Variants in ANKFN1 observed in about 807,000 individuals in gnomAD.
ANKFN1 encodes ankyrin repeat and fibronectin type-III domain-containing protein 1.
Under a neutral mutation model 108.7 loss-of-function variants are expected in ANKFN1, and 74 were observed. The observed-to-expected ratio is 0.68, with a 90% CI of 0.56 to 0.83. The LOEUF (loss-of-function observed/expected upper bound fraction) is 0.83, where lower values mean the gene tolerates loss of function less well. Ranked by LOEUF, ANKFN1 falls within the 40% of genes least tolerant of loss-of-function variation. ANKFN1 has a pLI of 0.00. For synonymous variants in ANKFN1, 547 were observed against 516.2 expected, an observed-to-expected ratio of 1.06 and a Z score of -0.81; for missense variants, 1,505 against 1,382.3, an observed-to-expected ratio of 1.09 and a Z score of -1.41.
intron 4 of ANKFN1, among the ~76,000 whole-genome samples, chr17:56,049,316 C>G (rs983138182): frequency 2.0e-5 from 3 of 152,158 alleles, no homozygotes; most frequent in Non-Finnish European, 4.4e-5. Flanking sequence ...ATTTGCCCAC[C>G]CTGACCTGCA....
chr17:56,182,204 A>G (rs1911749978), intron 1 of ANKFN1, among the ~76,000 whole-genome samples: 1 of 152,156 alleles, frequency 6.6e-6, no homozygotes, highest in Non-Finnish European at 1.5e-5. Flanking sequence ...AGGAAGGGCC[A>G]CTCATCTCTT....
intron 4 of ANKFN1, among the ~76,000 whole-genome samples, chr17:56,105,707 T>TTGTGTG (rs748425288): frequency 1.3e-5 from 1 of 76,324 alleles, no homozygotes; most frequent in African/African-American, 7.7e-5. Context: ...GGGGGTTTTT[T>TTGTGTG]TGTCTGTGTG....
chr17:56,334,259 T>A (rs571521290), intron 4 of ANKFN1, among the ~76,000 whole-genome samples: 8 of 151,814 alleles, frequency 5.3e-5, no homozygotes, highest in Non-Finnish European at 8.8e-5. Flanking sequence ...AAATGAAACA[T>A]GATCTATAGT....
chr17:56,335,700 C>G (rs914768084), intron 4 of ANKFN1, among the ~76,000 whole-genome samples: 2 of 152,090 alleles, frequency 1.3e-5, no homozygotes, highest in African/African-American at 2.4e-5. Context: ...AATTGAATAC[C>G]CTTTATTTCT....
intron 3 of ANKFN1, among the ~76,000 whole-genome samples, chr17:56,243,788 G>A (rs1040998175): frequency 1.3e-5 from 2 of 152,020 alleles, no homozygotes; most frequent in Admixed American, 1.3e-4. Flanking sequence ...CACACATACA[G>A]GCATGCATTT....
intron 6 of ANKFN1, among the ~76,000 whole-genome samples, chr17:56,355,783 T>C (rs1422638250): frequency 1.3e-5 from 2 of 152,128 alleles, no homozygotes; most frequent in East Asian, 3.9e-4. Context: ...TTTTAACAGC[T>C]TTATTGAGAT....
chr17:56,103,166 G>C (rs1191404200), intron 4 of ANKFN1, among the ~76,000 whole-genome samples: 2 of 152,174 alleles, frequency 1.3e-5, no homozygotes, highest in Non-Finnish European at 2.9e-5. Context: ...CACTGAAGGA[G>C]AGAGTGAGGC....
intron 8 of ANKFN1, among the ~76,000 whole-genome samples, chr17:56,403,139 T>C (rs990021801): frequency 8.5e-5 from 13 of 152,164 alleles, no homozygotes; most frequent in African/African-American, 2.9e-4. Flanking sequence ...TTGGAGAAAG[T>C]TCCATGTGCT....
At chr17:56,371,624 T>G (rs2144765092) in intron 6 of ANKFN1, among the ~76,000 whole-genome samples, 1 of 152,336 alleles carries the variant, frequency 6.6e-6, no homozygotes, top group South Asian at 2.1e-4. Flanking sequence ...TTTACTTGAC[T>G]GTTCTGTGAT....
At chr17:56,049,540 C>A (rs966246517) in intron 4 of ANKFN1, among the ~76,000 whole-genome samples, 2 of 151,928 alleles carry the variant, frequency 1.3e-5, no homozygotes, top group Admixed American at 6.5e-5. Context: ...ATCCCTCCCC[C>A]TTCCCCCGAC....
intron 1 of ANKFN1, chr17:56,174,105 G>C: frequency 1.1e-6 from 1 of 903,276 alleles, no homozygotes; most frequent in Non-Finnish European, 1.3e-6. Context: ...GAATCCGTGG[G>C]TCAGCTTGAC....
chr17:56,088,089 C>T (rs1339970138), intron 4 of ANKFN1, among the ~76,000 whole-genome samples: 1 of 151,188 alleles, frequency 6.6e-6, no homozygotes, highest in African/African-American at 2.4e-5. Context: ...TCTTACTTTC[C>T]CTCCAGGTAG....
At chr17:56,329,310 C>G (rs923324480) in intron 4 of ANKFN1, among the ~76,000 whole-genome samples, 1 of 152,108 alleles carries the variant, frequency 6.6e-6, no homozygotes, top group Non-Finnish European at 1.5e-5. Context: ...ACTGACTTAC[C>G]AGTGACACCA....
chr17:56,059,281 T>G (rs1471944042), intron 4 of ANKFN1, among the ~76,000 whole-genome samples: 1 of 152,218 alleles, frequency 6.6e-6, no homozygotes, highest in Non-Finnish European at 1.5e-5. Flanking sequence ...TTTGAGGGGT[T>G]GTTTTTTTCT....
intron 4 of ANKFN1, among the ~76,000 whole-genome samples, chr17:56,132,704 A>G (rs1409754881): frequency 6.6e-6 from 1 of 152,160 alleles, no homozygotes; most frequent in Non-Finnish European, 1.5e-5. Flanking sequence ...ATGCCTGTAG[A>G]TTCAGCATCT....
intron 4 of ANKFN1, among the ~76,000 whole-genome samples, chr17:56,327,294 T>C (rs2045545339): frequency 6.6e-6 from 1 of 152,142 alleles, no homozygotes; most frequent in East Asian, 1.9e-4. Flanking sequence ...TTTGTTTGCC[T>C]GGCTACCCCA....
At chr17:56,282,990 G>C (rs1459713568) in intron 3 of ANKFN1, among the ~76,000 whole-genome samples, 2 of 152,114 alleles carry the variant, frequency 1.3e-5, no homozygotes, top group Non-Finnish European at 2.9e-5. Context: ...TTTTATTTTA[G>C]GTTCAGGGGT....
chr17:56,068,417 T>C (rs1205639941), intron 4 of ANKFN1, among the ~76,000 whole-genome samples: 1 of 152,312 alleles, frequency 6.6e-6, no homozygotes, highest in East Asian at 1.9e-4. Flanking sequence ...AAGAGTGCTC[T>C]AGGTAGAGCA....
chr17:56,372,788 G>A lies in ANKFN1; in HGVS notation c.744G>A (p.Trp248Ter), dbSNP rs899309319. ...NTEKEKQLKAWEWRYRLYRRM... is the reference protein window; with the variant it reads ...NTEKEKQLKA Reference sequence around the variant, plus strand: ...AGAAAGAGAAGCAGCTGAAAGCTTGGGAGTGGAGGTATCGGCTCTACAGAC... The same window carrying A: ...AGAAAGAGAAGCAGCTGAAAGCTTGAGAGTGGAGGTATCGGCTCTACAGAC... The change falls in exon 7 of 21, where the codon TGG (tryptophan) becomes TGA (stop). Residue 248 changes from tryptophan (W) to a stop codon, truncating the protein, a stop_gained. Coordinates refer to ENST00000682825, the MANE Select transcript of ANKFN1 (RefSeq NM_001370326.1). LOFTEE classifies it high-confidence loss of function. 1.2e-6 allele frequency: 2 copies of A among 1,614,018 alleles called. No homozygotes were observed. Among genetic ancestry groups the A allele is most frequent in the South Asian group, 1.1e-5 (1 of 91,068 alleles).
Sources: allele counts gnomAD v4.1 joint callset (sites outside exome capture counted in the v4.1 genomes callset), GRCh38; gene constraint gnomAD v4.1.1; transcripts MANE v1.5; gene names NCBI Gene and HGNC (gene_info 2026-07-23, HGNC 2026-07-21).